Variants in ACIN1 observed in about 807,000 individuals in gnomAD.
ACIN1 encodes apoptotic chromatin condensation inducer 1, also known as apoptotic chromatin condensation inducer in the nucleus.
ACIN1 carries 16 observed loss-of-function variants against 146.6 expected under a neutral mutation model. The observed-to-expected ratio is 0.11, with a 90% CI of 0.07 to 0.17. The LOEUF (loss-of-function observed/expected upper bound fraction) is 0.17, where lower values mean the gene tolerates loss of function less well. Among genes scored for constraint, ACIN1 ranks in the 10% least tolerant of loss-of-function variants. The pLI is 1.00. For missense variants in ACIN1, 1,357 were observed against 1,609.3 expected, an observed-to-expected ratio of 0.84 and a Z score of 2.68; for synonymous variants, 569 against 582.7, an observed-to-expected ratio of 0.98 and a Z score of 0.34.
upstream of ACIN1, chr14:23,095,146 T>G: frequency 6.2e-7 from 1 of 1,614,240 alleles, no homozygotes. Flanking sequence ...TCCCGACGGC[T>G]TCGGGCATCT....
rs1351792805 is a variant in ACIN1, at chr14:23,059,021, A to G, written c.*127T>C. The G allele has an allele frequency of 7.1e-6, 6 of 839,368 alleles. No homozygotes were observed. The Admixed American group carries it at 1.4e-4, about 20-fold the overall frequency. 52.0% of individuals were successfully genotyped at this position (839,368 alleles called of 1,614,324 possible). A position where few individuals can be genotyped will look rare whatever the true frequency, so the allele number is the denominator to read the frequency against. ...AAGGATGGCCACTTTTCCATTTGGT[A>G]TGTATGTAGGGATAGGTGATGTGAA... On this transcript the variant is annotated 3_prime_UTR_variant, in exon 19 of 19. Transcript: ENST00000605057.
At position 23,090,172 on chromosome 14, in the gene ACIN1, T is replaced by C. The variant is rs1208605432; in HGVS notation, c.317-71A>G. Reference sequence around the variant, plus strand: ...CAGCATGTAGGAATATGTAGAGGAGTGAAGGAGGTCAGGCAAAGTCACAGA... The same window carrying C: ...CAGCATGTAGGAATATGTAGAGGAGCGAAGGAGGTCAGGCAAAGTCACAGA... On this transcript the variant is annotated intron_variant, in intron 3 of 18. Transcript: ENST00000605057. 3 of 1,544,138 alleles carry C rather than the reference T, an allele frequency of 1.9e-6. No homozygotes were observed. The African/African-American group carries it at 4.1e-5, about 21-fold the overall frequency.
At chr14:23,081,864 A>G (rs2047951848) in intron 4 of ACIN1, 28 bp from the exon 5 acceptor site, 2 of 1,573,998 alleles carry the variant, frequency 1.3e-6, no homozygotes, top group African/African-American at 1.4e-5. Context: ...ATCAAGTCAG[A>G]TTCATGAAGT....
chr14:23,073,675 T>A (rs547732223), intron 8 of ACIN1, among the ~76,000 whole-genome samples: 1 of 151,942 alleles, frequency 6.6e-6, no homozygotes, highest in Admixed American at 6.6e-5. Flanking sequence ...AGAAAAAAAT[T>A]TTTTTAATAG....
At chr14:23,073,550 C>G (rs111611943) in intron 8 of ACIN1, among the ~76,000 whole-genome samples, 1 of 151,930 alleles carries the variant, frequency 6.6e-6, no homozygotes, top group Admixed American at 6.6e-5. Context: ...CCCAGCTACT[C>G]GGGAGGCTGA....
chr14:23,062,185 A>G lies in ACIN1; in HGVS notation c.3082T>C (p.Tyr1028His), dbSNP rs1420065806. The G allele has an allele frequency of 4.3e-6, 7 of 1,613,958 alleles. No homozygotes were observed. The highest frequency in any genetic ancestry group is 5.9e-6 in the Non-Finnish European group (7 of 1,179,972). ...TTTCTTACCTCATCTTGCTCGGCAT[A>G]GTCAGCACAAAGGAATTTGGGATTG... Reference protein sequence around the residue: ...QSNPKFLCADYAEQDELDYHR... With the variant: ...QSNPKFLCADHAEQDELDYHR... Residue 1028 changes from tyrosine to histidine, a missense_variant, in exon 16 of 19, where the codon TAT (tyrosine) becomes CAT (histidine). Physicochemically the swap from Tyr to His is moderately conservative, Grantham distance 83 (BLOSUM62 2). Around this residue, in one of 4 missense-constraint regions of ACIN1, gnomAD observed 509 missense variants for 719.6 expected, o/e 0.71. Transcript: ENST00000605057.
intron 9 of ACIN1, chr14:23,069,125 G>A: frequency 9.9e-7 from 1 of 1,010,184 alleles, no homozygotes; most frequent in South Asian, 4.5e-5. Context: ...TTAAAAAGGA[G>A]GGAAAGCTAA....
intron 8 of ACIN1, among the ~76,000 whole-genome samples, chr14:23,076,231 T>C (rs1024155479): frequency 6.6e-6 from 1 of 152,182 alleles, no homozygotes; most frequent in African/African-American, 2.4e-5. Context: ...GCTGTTTTGT[T>C]AGAATGTTGA....
Position 23,079,592 on chromosome 14 carries a change from T to A in ACIN1, c.1743A>T (p.Ser581=). ...CTGAACGAGAACGTGAACGTGACCTTGATCTGGACTCTGATGTTGATCTGG... is the reference window on the plus strand; with the variant it reads ...CTGAACGAGAACGTGAACGTGACCTAGATCTGGACTCTGATGTTGATCTGG... ...MGSRSTSESR[S]RSRSRSRSAS... The change falls in exon 6 of 19, where the codon TCA becomes TCT. Residue 581 remains serine, a synonymous_variant. Transcript: ENST00000605057. 2 of 1,614,218 alleles carry A rather than the reference T, an allele frequency of 1.2e-6. No homozygotes were observed. Among genetic ancestry groups the A allele is most frequent in the Non-Finnish European group, 1.7e-6 (2 of 1,180,030 alleles).
intron 1 of ACIN1, 131 bp downstream of exon 1, chr14:23,094,844 G>A (rs2048332875): frequency 2.2e-6 from 3 of 1,333,736 alleles, no homozygotes; most frequent in Admixed American, 2.4e-5. Flanking sequence ...CCGTGCGCGC[G>A]GATCCAGAGG....
At position 23,058,608 on chromosome 14, in the gene ACIN1, T is replaced by C. The variant is rs1191812556; in HGVS notation, c.*540A>G. On this transcript the variant is annotated 3_prime_UTR_variant, in exon 19 of 19. Coordinates refer to ENST00000605057, the MANE Select transcript of ACIN1 (RefSeq NM_001386863.1). ...TTTATTTTTTTTTCCATAGACCACA[T>C]CATTTAATAATAAAAAAAATAAAAA... is the stretch of plus-strand genomic sequence containing the variant. 1 of 154,242 alleles carries C rather than the reference T, an allele frequency of 6.5e-6. No homozygotes were observed. The highest frequency in any genetic ancestry group is 1.4e-5 in the Non-Finnish European group (1 of 69,392). 9.6% of individuals were successfully genotyped at this position (154,242 alleles called of 1,614,324 possible). A position where few individuals can be genotyped will look rare whatever the true frequency, so the allele number is the denominator to read the frequency against.
chr14:23,083,495 G>A (rs2048003330), intron 4 of ACIN1, among the ~76,000 whole-genome samples: 1 of 152,332 alleles, frequency 6.6e-6, no homozygotes, highest in South Asian at 2.1e-4. Context: ...CACTTTGAGA[G>A]GTCGAGGCAG....
intron 4 of ACIN1, among the ~76,000 whole-genome samples, chr14:23,082,531 GC>G (rs1010354062): frequency 1.4e-5 from 2 of 140,026 alleles, no homozygotes; most frequent in African/African-American, 2.7e-5. Flanking sequence ...TGCGACCTCT[GC>G]CCCCTGGCTT....
intron 3 of ACIN1, 21 bp from the exon 4 acceptor site, chr14:23,090,122 C>A: frequency 6.2e-7 from 1 of 1,609,874 alleles, no homozygotes; most frequent in South Asian, 1.1e-5. Context: ...CAGATCGGGT[C>A]GGGGCAGGGA....
chr14:23,071,159 T>C, intron 8 of ACIN1: 2 of 1,550,618 alleles, frequency 1.3e-6, no homozygotes, highest in African/African-American at 1.4e-5. Context: ...ATTTTTTTTC[T>C]CCCCCTGGAA....
intron 14 of ACIN1, 91 bp downstream of exon 14, chr14:23,062,838 A>C: frequency 3.7e-6 from 5 of 1,339,906 alleles, no homozygotes; most frequent in Non-Finnish European, 5.1e-6. Context: ...TTGGTAGACC[A>C]GTTCAACTAT....
chr14:23,069,389 C>G (rs1199912054), intron 9 of ACIN1, 87 bp downstream of exon 9: 18 of 1,493,332 alleles, frequency 1.2e-5, no homozygotes, highest in Non-Finnish European at 1.5e-5. Flanking sequence ...GTTAACCCAC[C>G]GTGTAAGAGG....
intron 8 of ACIN1, chr14:23,071,117 G>A: frequency 6.4e-7 from 1 of 1,551,570 alleles, no homozygotes; most frequent in South Asian, 1.2e-5. Context: ...GAAATGTGAA[G>A]CTCTCACCCT....
At chr14:23,073,820 A>AT (rs1382402997) in intron 8 of ACIN1, among the ~76,000 whole-genome samples, 4 of 151,030 alleles carry the variant, frequency 2.6e-5, no homozygotes, top group Non-Finnish European at 5.9e-5. Context: ...ATTTTGAGAA[A>AT]TTTTGTTATT....
Sources: allele counts gnomAD v4.1 joint callset (sites outside exome capture counted in the v4.1 genomes callset), GRCh38; gene constraint gnomAD v4.1.1; regional missense constraint gnomAD v4.1.1; transcripts MANE v1.5; gene names NCBI Gene and HGNC (gene_info 2026-07-23, HGNC 2026-07-21).